DOCK1: variants seen among roughly 807,000 people sequenced by gnomAD.
DOCK1 encodes the protein dedicator of cytokinesis protein 1.
Under a neutral mutation model 262.7 loss-of-function variants are expected in DOCK1, and 138 were observed. That is an observed-to-expected ratio of 0.53 (90% CI 0.46 to 0.61). The LOEUF is 0.61. Ranked by LOEUF, DOCK1 falls within the 20% of genes least tolerant of loss-of-function variation. The probability of loss-of-function intolerance (pLI) is 0.00; values close to 1 mark genes in which losing one functional copy is unlikely to be tolerated. For missense variants in DOCK1, 1,908 were observed against 2,370.7 expected (o/e 0.80, Z 4.05); for synonymous variants, 866 against 867.4 (o/e 1.00, Z 0.03).
chr10:127,313,709 T>TC (rs1013263896), intron 29 of DOCK1, among the ~76,000 whole-genome samples: 1 of 151,928 alleles, frequency 6.6e-6, no homozygotes, highest in Non-Finnish European at 1.5e-5. Context: ...TCTCCTCTTT[T>TC]CCCCCCGCCT....
chr10:126,930,324 G>C (rs945929432), intron 1 of DOCK1, among the ~76,000 whole-genome samples: 2 of 152,210 alleles, frequency 1.3e-5, no homozygotes, highest in African/African-American at 4.8e-5. Context: ...CCTCGGAGTG[G>C]AATTGCGGGG....
At position 127,012,510 on chromosome 10, in the gene DOCK1, A is replaced by C; in HGVS notation, c.1201+136A>C. The C allele has an allele frequency of 1.3e-6, 1 of 767,770 alleles. No homozygotes were observed. The highest frequency in any genetic ancestry group is 1.7e-5 in the South Asian group (1 of 58,258). The allele number at this position is 767,770 out of a possible 1,614,324, so 47.6% of individuals were successfully genotyped here. On this transcript the variant is annotated intron_variant, in intron 12 of 51. Coordinates refer to ENST00000623213, the MANE Select transcript of DOCK1 (RefSeq NM_001290223.2). The surrounding 1 kb of genome is among the most constrained non-coding windows in gnomAD (Gnocchi z 4.0). ...GGGATGACAGTGATCGTGGTGGAGA[A>C]TGTGTGTGACAGTTGCCCCTGTGTA...
intron 16 of DOCK1, among the ~76,000 whole-genome samples, chr10:127,027,369 AGATTGCTTGAGCCCCGGAGTTT>A (rs2042941094): frequency 6.6e-6 from 1 of 152,166 alleles, no homozygotes; most frequent in African/African-American, 2.4e-5. Flanking sequence ...CCAAGGTGGA[AGATTGCTTGAGCCCCGGAGTTT>A]GAGACCAGCT....
At chr10:127,139,231 T>C (rs1592175419) in intron 27 of DOCK1, among the ~76,000 whole-genome samples, 1 of 152,164 alleles carries the variant, frequency 6.6e-6, no homozygotes, top group African/African-American at 2.4e-5. Flanking sequence ...AGAGAACCAT[T>C]AATCCTAGAC....
chr10:127,087,857 T>C (rs1430548386), intron 23 of DOCK1, among the ~76,000 whole-genome samples: 1 of 152,210 alleles, frequency 6.6e-6, no homozygotes, highest in Non-Finnish European at 1.5e-5. Flanking sequence ...GGACTTCCTT[T>C]GTCATAGCTT....
At chr10:127,171,794 C>T (rs1226488831) in intron 27 of DOCK1, among the ~76,000 whole-genome samples, 1 of 152,164 alleles carries the variant, frequency 6.6e-6, no homozygotes, top group African/African-American at 2.4e-5. Flanking sequence ...ACCTCCACCT[C>T]CCGGGTTCAA....
intron 49 of DOCK1, among the ~76,000 whole-genome samples, chr10:127,442,252 G>A (rs2070211783): frequency 6.6e-6 from 1 of 152,022 alleles, no homozygotes; most frequent in Non-Finnish European, 1.5e-5. Flanking sequence ...ACTGGCCCTG[G>A]CACAGCTGAC....
chr10:126,977,043 C>G (rs988600506), intron 2 of DOCK1, among the ~76,000 whole-genome samples: 1 of 152,172 alleles, frequency 6.6e-6, no homozygotes, highest in Non-Finnish European at 1.5e-5. Flanking sequence ...CCTCTTTGAG[C>G]TTTTGATTAG....
intron 27 of DOCK1, among the ~76,000 whole-genome samples, chr10:127,211,667 A>G (rs547806778): frequency 1.3e-5 from 2 of 152,326 alleles, no homozygotes; most frequent in East Asian, 3.9e-4. Context: ...AAATAAGAAA[A>G]ATTCAGACAG....
chr10:127,381,390 C>T (rs376556353), intron 37 of DOCK1, 22 bp downstream of exon 37: 2 of 1,585,722 alleles, frequency 1.3e-6, no homozygotes, highest in African/African-American at 2.7e-5. Flanking sequence ...TACCAGTCAC[C>T]TTGATGATTC....
chr10:126,925,396 G>A (rs900504604), intron 1 of DOCK1, among the ~76,000 whole-genome samples: 1 of 152,056 alleles, frequency 6.6e-6, no homozygotes, highest in East Asian at 1.9e-4. Context: ...GTTTTGTTTT[G>A]TTTTTTGAGA....
intron 12 of DOCK1, among the ~76,000 whole-genome samples, chr10:127,014,529 T>C (rs1486381776): frequency 2.0e-5 from 3 of 152,226 alleles, no homozygotes; most frequent in Non-Finnish European, 2.9e-5. Context: ...TAATATTAAG[T>C]GTTAAGTGTT....
intron 29 of DOCK1, among the ~76,000 whole-genome samples, chr10:127,299,631 G>A (rs564613458): frequency 1.6e-4 from 25 of 152,312 alleles, no homozygotes; most frequent in African/African-American, 5.1e-4. Flanking sequence ...GGGACTTCTG[G>A]CCTCTTGAAC....
intron 27 of DOCK1, among the ~76,000 whole-genome samples, chr10:127,240,322 A>G (rs1270033250): frequency 6.6e-6 from 1 of 151,466 alleles, no homozygotes; most frequent in African/African-American, 2.4e-5. Context: ...TTATAAAATA[A>G]AGAAATTGTA....
chr10:127,432,764 T>C (rs2069387426), intron 47 of DOCK1, among the ~76,000 whole-genome samples: 1 of 152,220 alleles, frequency 6.6e-6, no homozygotes, highest in Non-Finnish European at 1.5e-5. Flanking sequence ...TTTCACCTAC[T>C]CAGTGGCTTC....
intron 29 of DOCK1, among the ~76,000 whole-genome samples, chr10:127,338,437 G>A (rs973960318): frequency 6.6e-6 from 1 of 152,176 alleles, no homozygotes; most frequent in African/African-American, 2.4e-5. Flanking sequence ...GAAAATTCTT[G>A]TCAAATCACT....
intron 21 of DOCK1, among the ~76,000 whole-genome samples, chr10:127,048,794 T>G (rs1035711092): frequency 5.9e-5 from 9 of 152,202 alleles, no homozygotes; most frequent in Admixed American, 3.3e-4. Flanking sequence ...GCTTTATGCT[T>G]TTGACAGAAT....
intron 31 of DOCK1, among the ~76,000 whole-genome samples, chr10:127,345,633 T>G (rs2063597543): frequency 1.3e-5 from 2 of 152,132 alleles, no homozygotes; most frequent in African/African-American, 2.4e-5. Flanking sequence ...CTGAGAATGG[T>G]GTAGGCAGAG....
At chr10:127,150,197 C>T (rs553545496) in intron 27 of DOCK1, among the ~76,000 whole-genome samples, 4 of 152,290 alleles carry the variant, frequency 2.6e-5, no homozygotes, top group South Asian at 4.1e-4. Flanking sequence ...ATAGGTGACT[C>T]CTCCTGCCCA....
Sources: allele counts gnomAD v4.1 joint callset (sites outside exome capture counted in the v4.1 genomes callset), GRCh38; gene constraint gnomAD v4.1.1; non-coding constraint Gnocchi (gnomAD v3.1); transcripts MANE v1.5; gene names NCBI Gene and HGNC (gene_info 2026-07-23, HGNC 2026-07-21).